Variants in WDR1 observed in about 807,000 individuals in gnomAD.
The protein encoded by WDR1 is WD repeat-containing protein 1.
WDR1 carries 21 observed loss-of-function variants against 71.9 expected under a neutral mutation model. The observed-to-expected ratio is 0.29, with a 90% CI of 0.21 to 0.42. The LOEUF (loss-of-function observed/expected upper bound fraction) is 0.42. Among genes scored for constraint, WDR1 ranks in the 10% least tolerant of loss-of-function variants. The pLI is 1.00. For synonymous variants in WDR1, 424 were observed against 347.4 expected (o/e 1.22, Z -2.45); for missense variants, 696 against 824.5 (o/e 0.84, Z 1.91).
At chr4:10,107,109 T>C (rs1019898429) in intron 2 of WDR1, among the ~76,000 whole-genome samples, 1 of 152,170 alleles carries the variant, frequency 6.6e-6, no homozygotes, top group Non-Finnish European at 1.5e-5. Flanking sequence ...CCAGTGCTAC[T>C]GTAGGCAAAA....
Position 10,075,285 on chromosome 4 carries a change from G to A in WDR1, c.*93C>T. 4.3e-6 allele frequency: 5 copies of A among 1,154,158 alleles called. No homozygotes were observed. Among genetic ancestry groups the A allele is most frequent in the Non-Finnish European group, 1.3e-6 (1 of 791,258 alleles). 71.5% of individuals were successfully genotyped at this position (1,154,158 alleles called of 1,614,324 possible). ...CCTCTTGTGGTGGGGTGGGGGCATG[G>A]GGGCGCGTCACAGAAATAGAGAAAT... On this transcript the variant is annotated 3_prime_UTR_variant, in exon 15 of 15. Transcript: ENST00000499869.
At chr4:10,105,598 A>G (rs1340203789) in intron 2 of WDR1, among the ~76,000 whole-genome samples, 2 of 152,238 alleles carry the variant, frequency 1.3e-5, no homozygotes, top group Non-Finnish European at 2.9e-5. Context: ...AGAATCAATA[A>G]AAAGAAAAGA....
chr4:10,115,984 T>C lies in WDR1; in HGVS notation c.138+129A>G, dbSNP rs1377102336. The C allele has an allele frequency of 2.3e-6, 3 of 1,309,094 alleles. No individual in the cohort carries two copies. The African/African-American group carries it at 4.5e-5, about 19-fold the overall frequency. The allele number at this position is 1,309,094 out of a possible 1,614,324, so 81.1% of individuals were successfully genotyped here. On this transcript the variant is annotated intron_variant, in intron 2 of 14. Transcript: ENST00000499869. ...CGGGGCTCCGAGGTGTGGCTCCCGG[T>C]AGAGGGGGCGTGGCGCCCTCACCCT...
At chr4:10,115,339 C>G (rs1368563985) in intron 2 of WDR1, among the ~76,000 whole-genome samples, 1 of 152,206 alleles carries the variant, frequency 6.6e-6, no homozygotes, top group African/African-American at 2.4e-5. Context: ...AAGGATTTCC[C>G]AAGGAGCTGG....
chr4:10,092,857 C>T, intron 5 of WDR1: 1 of 394,100 alleles, frequency 2.5e-6, no homozygotes, highest in Non-Finnish European at 5.1e-6. Flanking sequence ...CTCTGCCCCA[C>T]CCCAGCCAAC....
chr4:10,099,216 C>G (rs1250676350), intron 3 of WDR1, 77 bp from the exon 4 acceptor site: 7 of 1,323,740 alleles, frequency 5.3e-6, no homozygotes, highest in Non-Finnish European at 7.3e-6. Flanking sequence ...CAGGTCACTG[C>G]CGGGCCAGGG....
At position 10,087,599 on chromosome 4, in the gene WDR1, C is replaced by T. The variant is rs555842414; in HGVS notation, c.951+108G>A. 5 of 1,111,370 alleles carry T rather than the reference C, an allele frequency of 4.5e-6. No individual in the cohort carries two copies. The South Asian group carries it at 4.9e-5, about 11-fold the overall frequency. The allele number at this position is 1,111,370 out of a possible 1,614,324, so 68.8% of individuals were successfully genotyped here. On this transcript the variant is annotated intron_variant, in intron 8 of 14. Transcript: ENST00000499869. ...CAAGGGCCAAGGAGGCCTGAGGACA[C>T]CTCTCTAGCTTCCACCTGGCTTCCC...
At chr4:10,085,150 C>T (rs1765164207) in intron 8 of WDR1, among the ~76,000 whole-genome samples, 1 of 152,228 alleles carries the variant, frequency 6.6e-6, no homozygotes, top group Non-Finnish European at 1.5e-5. Flanking sequence ...GGCGTTTAGC[C>T]CCCTCCATAT....
intron 8 of WDR1, among the ~76,000 whole-genome samples, chr4:10,086,394 A>G (rs1489407317): frequency 6.6e-6 from 1 of 152,076 alleles, no homozygotes; most frequent in Admixed American, 6.5e-5. Context: ...TGCTGCCCCC[A>G]CTGCCCCGGC....
intron 7 of WDR1, 70 bp downstream of exon 7, chr4:10,088,223 G>T: frequency 7.1e-7 from 1 of 1,409,828 alleles, no homozygotes; most frequent in Non-Finnish European, 9.8e-7. Context: ...TCCGGAGTGA[G>T]TGTGGATGGA....
intron 5 of WDR1, chr4:10,096,362 T>C (rs1712349354): frequency 6.6e-6 from 1 of 152,294 alleles, no homozygotes; most frequent in Non-Finnish European, 1.5e-5. Flanking sequence ...CGAAGAAACA[T>C]GGCCTGAAGC....
In WDR1 at chr4:10,093,076, C is replaced by T. The variant is rs771634974; in HGVS notation, c.559-4335G>A. The T allele has an allele frequency of 1.6e-5, 21 of 1,289,376 alleles. 1 individual carries two copies. In the South Asian group the frequency reaches 2.2e-4, roughly 14 times the overall value. The allele number at this position is 1,289,376 out of a possible 1,614,324, so 79.9% of individuals were successfully genotyped here. A position where few individuals can be genotyped will look rare whatever the true frequency, so the allele number is the denominator to read the frequency against. On this transcript the variant is annotated intron_variant, in intron 5 of 14. Coordinates refer to ENST00000499869, the MANE Select transcript of WDR1 (RefSeq NM_017491.5). ...AAACCGAGGCTTGAAGCACTGAGGT[C>T]ATAATTAAGTACCACACCCATGTCA...
intron 3 of WDR1, 50 bp downstream of exon 3, chr4:10,103,846 C>T (rs548634025): frequency 1.6e-5 from 23 of 1,468,392 alleles, no homozygotes; most frequent in Middle Eastern, 4.5e-4. Context: ...GGGCCCTGAG[C>T]GCCACCCAGG....
intron 8 of WDR1, among the ~76,000 whole-genome samples, chr4:10,086,220 C>T (rs1319635683): frequency 6.6e-6 from 1 of 152,202 alleles, no homozygotes; most frequent in Non-Finnish European, 1.5e-5. Context: ...GCCCTCAGCT[C>T]CCCCAGGCAA....
intron 11 of WDR1, among the ~76,000 whole-genome samples, chr4:10,080,257 G>C (rs1032438727): frequency 4.6e-5 from 7 of 152,210 alleles, no homozygotes; most frequent in African/African-American, 1.7e-4. Flanking sequence ...ACCTGGGTCT[G>C]GAGACACAGG....
intron 7 of WDR1, 139 bp downstream of exon 7, chr4:10,088,154 T>C: frequency 3.2e-6 from 3 of 952,212 alleles, no homozygotes; most frequent in South Asian, 1.5e-5. Flanking sequence ...TTAAAGCTTT[T>C]CTGGGCAGAT....
chr4:10,099,015 G>T lies in WDR1; in HGVS notation c.354C>A (p.Ala118=), dbSNP rs540120830. The change falls in exon 4 of 15, where the codon GCC becomes GCA. Residue 118 remains alanine, a synonymous_variant. Coordinates refer to ENST00000499869, the MANE Select transcript of WDR1 (RefSeq NM_017491.5). ...IAWTEDSKRI[A]VVGEGREKFG... ...ACTTCTCCCTTCCTTCCCCGACCAC[G>T]GCGATCCTCTTACTGTCTTCAGTCC... 1 of 1,613,888 alleles carries T rather than the reference G, an allele frequency of 6.2e-7. No homozygotes were observed. The highest frequency in any genetic ancestry group is 1.7e-5 in the Admixed American group (1 of 60,008).
chr4:10,116,618 G>A, intron 1 of WDR1, 33 bp downstream of exon 1: 1 of 1,212,930 alleles, frequency 8.2e-7, no homozygotes, highest in Non-Finnish European at 1.0e-6. Context: ...GCAGCGCGGC[G>A]GCCGCTCGGG....
At position 10,116,719 on chromosome 4, in the gene WDR1, C is replaced by T. The variant is rs1448823738; in HGVS notation, c.-53G>A. 29 of 1,314,148 alleles carry T rather than the reference C, an allele frequency of 2.2e-5. No individual in the cohort carries two copies. The highest frequency in any genetic ancestry group is 2.6e-5 in the Non-Finnish European group (27 of 1,029,422). The allele number at this position is 1,314,148 out of a possible 1,614,324, so 81.4% of individuals were successfully genotyped here. On this transcript the variant is annotated 5_prime_UTR_variant, in exon 1 of 15. Coordinates refer to ENST00000499869, the MANE Select transcript of WDR1 (RefSeq NM_017491.5). ...TCGCCGAGAGCCTCCGGGGCCGGCC[C>T]GCGCTGCGAATTACACCTCGCCGAG...
Sources: gnomAD v4.1 joint callset for allele counts (sites outside exome capture counted in the v4.1 genomes callset) on GRCh38, gnomAD v4.1.1 for gene constraint, MANE v1.5 for transcripts, NCBI Gene and HGNC (gene_info 2026-07-23, HGNC 2026-07-21) for gene names.